Variants in ERI3 observed in about 807,000 individuals in gnomAD.
The protein encoded by ERI3 is ERI1 exoribonuclease 3.
ERI3 carries 18 observed loss-of-function variants against 44.4 expected under a neutral mutation model. That is an observed-to-expected ratio of 0.41 (90% CI 0.28 to 0.60). ERI3 has a LOEUF of 0.60. Ranked by LOEUF, ERI3 falls within the 20% of genes least tolerant of loss-of-function variation. The pLI is 0.36. For synonymous variants in ERI3, 183 were observed against 164.8 expected, an observed-to-expected ratio of 1.11 and a Z score of -0.84; for missense variants, 294 against 435.5, an observed-to-expected ratio of 0.68 and a Z score of 2.89.
chr1:44,326,981 C>A (rs1439272876), intron 3 of ERI3, among the ~76,000 whole-genome samples: 1 of 152,314 alleles, frequency 6.6e-6, no homozygotes, highest in African/African-American at 2.4e-5. Flanking sequence ...CTGAGGTGTG[C>A]ACACCTGTGT....
intron 7 of ERI3, among the ~76,000 whole-genome samples, chr1:44,254,726 C>T (rs1644747366): frequency 6.6e-6 from 1 of 152,114 alleles, no homozygotes; most frequent in Admixed American, 6.5e-5. Context: ...CTAGGCAGAG[C>T]TCTTTCTGCA....
intron 7 of ERI3, among the ~76,000 whole-genome samples, chr1:44,255,460 C>T (rs1026050783): frequency 3.3e-5 from 5 of 152,196 alleles, no homozygotes; most frequent in Non-Finnish European, 5.9e-5. Context: ...TATCTGTGTA[C>T]TCACCCACTC....
In ERI3 at chr1:44,313,160, T is replaced by G; in HGVS notation, c.666+9A>C. On this transcript the variant is annotated intron_variant, in intron 5 of 8. Transcript: ENST00000372257. ...TCAGAGGTCAGGAATTAAAGGTCAC[T>G]CAACCTACCTCCAGCACTTGCTGCA... 1 of 1,613,968 alleles carries G rather than the reference T, an allele frequency of 6.2e-7. No individual in the cohort carries two copies. Among genetic ancestry groups the G allele is most frequent in the Non-Finnish European group, 8.5e-7 (1 of 1,179,854 alleles).
At chr1:44,298,628 A>C (rs1447542652) in intron 6 of ERI3, among the ~76,000 whole-genome samples, 1 of 152,244 alleles carries the variant, frequency 6.6e-6, no homozygotes, top group Admixed American at 6.5e-5. Context: ...AAGAAGTCAG[A>C]CACAGGTCGG....
chr1:44,239,038 C>T (rs912195792), intron 8 of ERI3, among the ~76,000 whole-genome samples: 1 of 151,694 alleles, frequency 6.6e-6, no homozygotes. Flanking sequence ...CCCTCCCCCC[C>T]CCAATCCAGC....
At chr1:44,324,521 G>A (rs982352714) in intron 3 of ERI3, among the ~76,000 whole-genome samples, 4 of 123,924 alleles carry the variant, frequency 3.2e-5, no homozygotes, top group Admixed American at 2.2e-4. Context: ...TCGCTCTGTC[G>A]CCCAGGCTGG....
At chr1:44,321,061 A>G (rs535658639) in intron 3 of ERI3, among the ~76,000 whole-genome samples, 200 of 152,312 alleles carry the variant, frequency 1.3e-3, no homozygotes, top group African/African-American at 4.4e-3. Flanking sequence ...ACCTGACTGC[A>G]CTTAGGAAAT....
rs1051619420 is a variant in ERI3 at position 44,235,362 on chromosome 1, G to A, written c.931+12577C>T. 1.3e-5 allele frequency among the ~76,000 whole-genome samples: 2 copies of A among 152,068 alleles called. No homozygotes were observed. Among genetic ancestry groups the A allele is most frequent in the African/African-American group, 2.4e-5 (1 of 41,386 alleles). On this transcript the variant is annotated intron_variant, in intron 8 of 8. Coordinates refer to ENST00000372257, the MANE Select transcript of ERI3 (RefSeq NM_024066.3). The surrounding 1 kb of genome is among the most constrained non-coding windows in gnomAD (Gnocchi z 4.6). ...CCTCTCAGGACCCAGGCTTGCTAGT[G>A]CTTCCTCTAGGTGCCTTCCCCCCAT...
At chr1:44,338,032 C>T (rs773406439) in intron 3 of ERI3, among the ~76,000 whole-genome samples, 15 of 152,202 alleles carry the variant, frequency 9.9e-5, no homozygotes, top group East Asian at 1.9e-4. Context: ...AAAGCAAACA[C>T]CACATACTTC....
intron 3 of ERI3, among the ~76,000 whole-genome samples, chr1:44,337,523 G>A (rs182941639): frequency 2.6e-5 from 4 of 152,318 alleles, no homozygotes; most frequent in Non-Finnish European, 5.9e-5. Context: ...GGCAGAGAAC[G>A]TAAGTGTGGC....
intron 8 of ERI3, among the ~76,000 whole-genome samples, chr1:44,238,526 G>A (rs1644360295): frequency 6.6e-6 from 1 of 152,106 alleles, no homozygotes; most frequent in Admixed American, 6.5e-5. Flanking sequence ...AAGGCCTTTA[G>A]GGAAGAAGCA....
At chr1:44,344,386 A>AG (rs1431860787) in intron 2 of ERI3, among the ~76,000 whole-genome samples, 1 of 152,226 alleles carries the variant, frequency 6.6e-6, no homozygotes, top group East Asian at 1.9e-4. Context: ...CACAGAAGGT[A>AG]GGCTGCATGT....
intron 3 of ERI3, among the ~76,000 whole-genome samples, chr1:44,320,855 T>A (rs1646186849): frequency 6.6e-6 from 1 of 151,684 alleles, no homozygotes; most frequent in Non-Finnish European, 1.5e-5. Context: ...CTGAGTAAAA[T>A]TAGCATGTGG....
At chr1:44,231,424 A>G (rs1308766166) in intron 8 of ERI3, among the ~76,000 whole-genome samples, 1 of 152,072 alleles carries the variant, frequency 6.6e-6, no homozygotes, top group African/African-American at 2.4e-5. Flanking sequence ...CCCAGGCAGG[A>G]GTGCAGTGGT....
chr1:44,288,798 C>T (rs1645444814), intron 6 of ERI3, among the ~76,000 whole-genome samples: 1 of 151,950 alleles, frequency 6.6e-6, no homozygotes, highest in Non-Finnish European at 1.5e-5. Context: ...TTCTTAGGAG[C>T]CTAAGGTCGG....
chr1:44,237,431 A>G (rs1000863783), intron 8 of ERI3, among the ~76,000 whole-genome samples: 2 of 152,232 alleles, frequency 1.3e-5, no homozygotes, highest in Non-Finnish European at 2.9e-5. Context: ...AATATGGGCC[A>G]AAGATTTTAC....
chr1:44,232,521 C>A (rs1644209170), intron 8 of ERI3, among the ~76,000 whole-genome samples: 1 of 151,724 alleles, frequency 6.6e-6, no homozygotes, highest in Non-Finnish European at 1.5e-5. Context: ...TCCACAAAAT[C>A]ATCAGACTAT....
chr1:44,260,912 C>G (rs1644880503), intron 7 of ERI3, among the ~76,000 whole-genome samples: 1 of 152,150 alleles, frequency 6.6e-6, no homozygotes, highest in South Asian at 2.1e-4. Context: ...CCACCCTGAC[C>G]TCCACACCCA....
intron 5 of ERI3, among the ~76,000 whole-genome samples, chr1:44,308,766 AC>A (rs1645892992): frequency 6.6e-6 from 1 of 152,236 alleles, no homozygotes; most frequent in Non-Finnish European, 1.5e-5. Flanking sequence ...GGGCATCAGA[AC>A]AGGGTAGTAG....
Sources: allele counts gnomAD v4.1 joint callset (sites outside exome capture counted in the v4.1 genomes callset), GRCh38; gene constraint gnomAD v4.1.1; non-coding constraint Gnocchi (gnomAD v3.1); transcripts MANE v1.5; gene names NCBI Gene and HGNC (gene_info 2026-07-23, HGNC 2026-07-21).